Variants in NSMCE2 observed in about 807,000 individuals in gnomAD.
NSMCE2 encodes NSE2 SUMO ligase component of SMC5/6 complex, also known as E3 SUMO-protein ligase NSE2.
Under a neutral mutation model 23.8 loss-of-function variants are expected in NSMCE2, and 24 were observed. That is an observed-to-expected ratio of 1.01 (90% CI 0.73 to 1.42). NSMCE2 has a LOEUF of 1.42. NSMCE2 is among the 40% of genes most tolerant of loss of function. NSMCE2 has a pLI of 0.00. For missense variants in NSMCE2, 284 were observed against 296.5 expected (o/e 0.96, Z 0.31); for synonymous variants, 92 against 94.1 (o/e 0.98, Z 0.13).
chr8:125,192,679 A>G (rs1331106146), intron 5 of NSMCE2, among the ~76,000 whole-genome samples: 1 of 152,232 alleles, frequency 6.6e-6, no homozygotes, highest in Admixed American at 6.5e-5. Context: ...TTAAGATTTT[A>G]GGAGCATTAA....
At chr8:125,244,676 G>A (rs549789994) in intron 5 of NSMCE2, among the ~76,000 whole-genome samples, 22 of 152,140 alleles carry the variant, frequency 1.4e-4, no homozygotes, top group Non-Finnish European at 2.6e-4. Flanking sequence ...GTATTATACT[G>A]TGCAACTTTA....
intron 5 of NSMCE2, among the ~76,000 whole-genome samples, chr8:125,281,001 G>A (rs1827668825): frequency 6.6e-6 from 1 of 152,246 alleles, no homozygotes; most frequent in Admixed American, 6.5e-5. Flanking sequence ...TTTTCAGGAA[G>A]AAAACTCTGC....
intron 5 of NSMCE2, among the ~76,000 whole-genome samples, chr8:125,205,049 A>G (rs187256114): frequency 1.3e-5 from 2 of 152,284 alleles, no homozygotes; most frequent in Admixed American, 1.3e-4. Context: ...TTGGAATCCA[A>G]ACACTTAACA....
chr8:125,143,655 T>C (rs141068376), intron 3 of NSMCE2, among the ~76,000 whole-genome samples: 1 of 152,348 alleles, frequency 6.6e-6, no homozygotes, highest in East Asian at 1.9e-4. Flanking sequence ...TGCCTGTACA[T>C]GGCTTTGTAG....
chr8:125,343,297 C>A (rs1830313150), intron 5 of NSMCE2, among the ~76,000 whole-genome samples: 1 of 152,216 alleles, frequency 6.6e-6, no homozygotes, highest in South Asian at 2.1e-4. Flanking sequence ...CAAAAATAGA[C>A]ATCTTCAGAG....
intron 5 of NSMCE2, among the ~76,000 whole-genome samples, chr8:125,346,734 G>A (rs570656007): frequency 1.4e-4 from 21 of 152,248 alleles, no homozygotes; most frequent in South Asian, 1.2e-3. Flanking sequence ...AGTGGATATT[G>A]TATGACCAAA....
intron 3 of NSMCE2, among the ~76,000 whole-genome samples, chr8:125,125,881 C>T (rs1044986737): frequency 1.3e-5 from 2 of 151,982 alleles, no homozygotes; most frequent in African/African-American, 4.8e-5. Context: ...GAGGAAGGGC[C>T]CAGGGTGATA....
intron 5 of NSMCE2, among the ~76,000 whole-genome samples, chr8:125,253,933 TAG>T (rs1351856706): frequency 6.6e-6 from 1 of 152,216 alleles, no homozygotes; most frequent in Non-Finnish European, 1.5e-5. Context: ...TTGGCAGTCA[TAG>T]TCATCATGAC....
chr8:125,145,758 T>C (rs1050770428), intron 3 of NSMCE2, among the ~76,000 whole-genome samples: 14 of 152,196 alleles, frequency 9.2e-5, no homozygotes, highest in Admixed American at 8.5e-4. Context: ...GTATTCTCCC[T>C]TCACCTTGAA....
chr8:125,215,131 G>A (rs562769077), intron 5 of NSMCE2, among the ~76,000 whole-genome samples: 7 of 150,748 alleles, frequency 4.6e-5, no homozygotes, highest in South Asian at 4.2e-4. Context: ...ATGCTGGTGC[G>A]CTGCACCCAC....
At chr8:125,206,821 G>A (rs955990040) in intron 5 of NSMCE2, among the ~76,000 whole-genome samples, 1 of 152,148 alleles carries the variant, frequency 6.6e-6, no homozygotes, top group African/African-American at 2.4e-5. Flanking sequence ...AAAGAGAGGG[G>A]GAGAAAGGCT....
chr8:125,305,962 T>C (rs937486178), intron 5 of NSMCE2, among the ~76,000 whole-genome samples: 2 of 152,150 alleles, frequency 1.3e-5, no homozygotes, highest in Non-Finnish European at 2.9e-5. Flanking sequence ...GGATGCTGCA[T>C]AAGATTGGCC....
At chr8:125,122,753 T>C (rs1819332067) in intron 3 of NSMCE2, among the ~76,000 whole-genome samples, 1 of 152,208 alleles carries the variant, frequency 6.6e-6, no homozygotes, top group African/African-American at 2.4e-5. Context: ...GTATTTCAAC[T>C]ATATACTATA....
intron 5 of NSMCE2, among the ~76,000 whole-genome samples, chr8:125,213,457 T>C (rs997831801): frequency 1.3e-5 from 2 of 151,642 alleles, no homozygotes; most frequent in Non-Finnish European, 2.9e-5. Context: ...TTTAGTGTAT[T>C]AAATGGTAGT....
intron 5 of NSMCE2, among the ~76,000 whole-genome samples, chr8:125,273,614 A>G (rs1827320796): frequency 6.6e-6 from 1 of 152,214 alleles, no homozygotes; most frequent in Non-Finnish European, 1.5e-5. Flanking sequence ...GTTTATGGAC[A>G]TATTTGAGGT....
At chr8:125,251,196 G>A (rs1257392032) in intron 5 of NSMCE2, among the ~76,000 whole-genome samples, 1 of 152,108 alleles carries the variant, frequency 6.6e-6, no homozygotes, top group Non-Finnish European at 1.5e-5. Context: ...AATGTCAATA[G>A]CTTTCTTATA....
intron 5 of NSMCE2, among the ~76,000 whole-genome samples, chr8:125,241,231 C>T (rs1825753406): frequency 1.3e-5 from 2 of 152,150 alleles, no homozygotes; most frequent in Non-Finnish European, 2.9e-5. Context: ...TTTGGAAATA[C>T]ATTTATTCAT....
At chr8:125,171,430 C>G (rs953580776) in intron 4 of NSMCE2, among the ~76,000 whole-genome samples, 4 of 152,172 alleles carry the variant, frequency 2.6e-5, no homozygotes, top group African/African-American at 9.7e-5. Flanking sequence ...CAATACTGAG[C>G]TCTTCAACCC....
chr8:125,273,796 G>T (rs905428317), intron 5 of NSMCE2, among the ~76,000 whole-genome samples: 2 of 152,168 alleles, frequency 1.3e-5, no homozygotes, highest in Admixed American at 1.3e-4. Flanking sequence ...GGGTCAACAG[G>T]TGTCCTTCTT....
Sources: gnomAD v4.1 joint callset for allele counts (sites outside exome capture counted in the v4.1 genomes callset) on GRCh38, gnomAD v4.1.1 for gene constraint, MANE v1.5 for transcripts, NCBI Gene and HGNC (gene_info 2026-07-23, HGNC 2026-07-21) for gene names.